The following GALNT5 variants were observed in gnomAD, a reference collection of about 807,000 sequenced individuals.
The protein encoded by GALNT5 is UDP-GalNAc:polypeptide N-acetylgalactosaminyltransferase 5.
Under a neutral mutation model 85.4 loss-of-function variants are expected in GALNT5, and 72 were observed. The ratio of observed to expected loss-of-function variants is 0.84; its 90% CI spans 0.70 to 1.03. The LOEUF is 1.03. Ranked by LOEUF, GALNT5 falls within the 50% of genes least tolerant of loss-of-function variation. The pLI is 0.00. For missense variants in GALNT5, 1,137 were observed against 1,135.5 expected (o/e 1.00, Z -0.02); for synonymous variants, 404 against 397.0 (o/e 1.02, Z -0.21).
chr2:157,259,375 T>A lies in GALNT5; in HGVS notation c.1293T>A (p.Ser431=). The A allele has an allele frequency of 6.6e-7, 1 of 1,506,136 alleles. No individual in the cohort carries two copies. The highest frequency in any genetic ancestry group is 8.9e-7 in the Non-Finnish European group (1 of 1,124,166). The allele number at this position is 1,506,136 out of a possible 1,614,324, so 93.3% of individuals were successfully genotyped here. The change falls in exon 1 of 10, where the codon TCT becomes TCA. Residue 431 remains serine, a synonymous_variant. Coordinates refer to ENST00000259056, the MANE Select transcript of GALNT5 (RefSeq NM_014568.3). ...TGTTAAGAATTGATGTGACACTTTC[T>A]CCAAGGGACCCCAAAGCTCCAGGGC... ...HQVLRIDVTL[S]PRDPKAPGQF...
chr2:157,281,179 C>T (rs1682846863), intron 1 of GALNT5, among the ~76,000 whole-genome samples: 1 of 152,192 alleles, frequency 6.6e-6, no homozygotes, highest in South Asian at 2.1e-4. Context: ...TTCTCCCTGC[C>T]TCAGCCTCCC....
At position 157,259,276 on chromosome 2, in the gene GALNT5, C is replaced by T; in HGVS notation, c.1194C>T (p.Ala398=). 6.2e-7 allele frequency: 1 copy of T among 1,611,208 alleles called. No homozygotes were observed. Among genetic ancestry groups the T allele is most frequent in the Non-Finnish European group, 8.5e-7 (1 of 1,178,806 alleles). ...AGCCAGCAAAAATCAACATAACTGC[C>T]AAAGCCCCCTCTACAGAATACAACC... ...GLEPAKINIT[A]KAPSTEYNQS... The change falls in exon 1 of 10, where the codon GCC becomes GCT. Residue 398 remains alanine (A), a synonymous_variant. Coordinates refer to ENST00000259056, the MANE Select transcript of GALNT5 (RefSeq NM_014568.3).
intron 9 of GALNT5, among the ~76,000 whole-genome samples, chr2:157,308,949 A>G (rs1196594630): frequency 6.6e-6 from 1 of 152,160 alleles, no homozygotes; most frequent in Admixed American, 6.5e-5. Context: ...GTTATTTTAA[A>G]TAGAAATCAC....
At chr2:157,298,442 C>A (rs1246841123) in intron 5 of GALNT5, among the ~76,000 whole-genome samples, 1 of 152,216 alleles carries the variant, frequency 6.6e-6, no homozygotes, top group Non-Finnish European at 1.5e-5. Context: ...ACTGGCCAAG[C>A]AGGGACCTTC....
chr2:157,296,400 G>T lies in GALNT5; in HGVS notation c.1884G>T (p.Met628Ile). The change falls in exon 5 of 10, where the codon ATG (methionine) becomes ATT (isoleucine). Residue 628 changes from methionine to isoleucine, a missense_variant. Physicochemically the swap from Met to Ile is conservative, Grantham distance 10. Coordinates refer to ENST00000259056, the MANE Select transcript of GALNT5 (RefSeq NM_014568.3). ...EVINDKDMSY[M>I]TVDNFQRGIF... is the part of the protein sequence containing the mutation. ...TTTTCATTTCCTGGATTAGTTACAT[G>T]ACAGTGGATAACTTTCAAAGAGGCA... 1 of 1,608,880 alleles carries T rather than the reference G, an allele frequency of 6.2e-7. No homozygotes were observed. Among genetic ancestry groups the T allele is most frequent in the South Asian group, 1.1e-5 (1 of 90,926 alleles).
Position 157,316,241 on chromosome 2 carries a change from G to A in GALNT5, c.*4893G>A, listed in dbSNP as rs1683701409. ...ACAGCTGCTAGCTTTACATATGGGA[G>A]CCTCTAGCTTGCATATCTATACTTG... On this transcript the variant is annotated 3_prime_UTR_variant, in exon 10 of 10. Transcript: ENST00000259056. 6.6e-6 allele frequency among the ~76,000 whole-genome samples: 1 copy of A among 151,986 alleles called. No homozygotes were observed. Among genetic ancestry groups the A allele is most frequent in the Middle Eastern group, 3.4e-3 (1 of 294 alleles).
At chr2:157,269,319 T>C (rs1682531175) in intron 1 of GALNT5, among the ~76,000 whole-genome samples, 1 of 152,192 alleles carries the variant, frequency 6.6e-6, no homozygotes, top group African/African-American at 2.4e-5. Context: ...TCAGAGTGCC[T>C]TGACATGTCA....
chr2:157,310,688 T>C (rs1683550075), intron 9 of GALNT5, among the ~76,000 whole-genome samples: 1 of 152,238 alleles, frequency 6.6e-6, no homozygotes, highest in South Asian at 2.1e-4. Context: ...CTTTCTTTAA[T>C]GCTGTTGACT....
chr2:157,299,381 G>T (rs1449323566), intron 5 of GALNT5, among the ~76,000 whole-genome samples, 167 bp from the exon 6 acceptor site: 1 of 152,064 alleles, frequency 6.6e-6, no homozygotes, highest in African/African-American at 2.4e-5. Context: ...CATGATCCAG[G>T]GATCGCATCA....
At chr2:157,276,315 G>C (rs986800283) in intron 1 of GALNT5, among the ~76,000 whole-genome samples, 4 of 152,136 alleles carry the variant, frequency 2.6e-5, no homozygotes, top group Non-Finnish European at 5.9e-5. Context: ...CCAGGTTTTG[G>C]TATCAGGATG....
rs1011794045 is a variant in GALNT5 at position 157,313,501 on chromosome 2, C to G, written c.*2153C>G. On this transcript the variant is annotated 3_prime_UTR_variant, in exon 10 of 10. Coordinates refer to ENST00000259056, the MANE Select transcript of GALNT5 (RefSeq NM_014568.3). ...ATGGGGCAAGGGGGATGGGGGGACG[C>G]AAGTCAGTTGTCAAAAGACTAATTG... 10 of 152,176 alleles carry G rather than the reference C, an allele frequency of 6.6e-5. No individual in the cohort carries two copies. The highest frequency in any genetic ancestry group is 2.4e-4 in the African/African-American group (10 of 41,450). 9.4% of individuals were successfully genotyped at this position (152,176 alleles called of 1,614,324 possible).
At chr2:157,288,926 A>AG (rs1683033965) in intron 3 of GALNT5, among the ~76,000 whole-genome samples, 2 of 152,116 alleles carry the variant, frequency 1.3e-5, no homozygotes, top group Non-Finnish European at 2.9e-5. Flanking sequence ...ATGTGAAGAG[A>AG]ATAAGAATGA....
chr2:157,313,478 G>A lies in GALNT5; in HGVS notation c.*2130G>A, dbSNP rs1021913882. 1.3e-5 allele frequency: 2 copies of A among 152,174 alleles called. No homozygotes were observed. The highest frequency in any genetic ancestry group is 4.8e-5 in the African/African-American group (2 of 41,444). The allele number at this position is 152,174 out of a possible 1,614,324, so 9.4% of individuals were successfully genotyped here. On this transcript the variant is annotated 3_prime_UTR_variant, in exon 10 of 10. Transcript: ENST00000259056. ...AATTCTTTTCAAAACAGAGCCATATGGGGCAAGGGGGATGGGGGGACGCAA... is the reference window on the plus strand; with the variant it reads ...AATTCTTTTCAAAACAGAGCCATATAGGGCAAGGGGGATGGGGGGACGCAA...
chr2:157,282,611 A>G (rs1682879759), intron 1 of GALNT5, among the ~76,000 whole-genome samples: 1 of 152,204 alleles, frequency 6.6e-6, no homozygotes, highest in African/African-American at 2.4e-5. Context: ...TCTTATAGGT[A>G]CATGTTTAAT....
chr2:157,316,381 AT>A lies in GALNT5; in HGVS notation c.*5038del, dbSNP rs1683705169. 1.3e-5 allele frequency among the ~76,000 whole-genome samples: 2 copies of A among 152,044 alleles called. No homozygotes were observed. Among genetic ancestry groups the A allele is most frequent in the African/African-American group, 2.4e-5 (1 of 41,392 alleles). ...TACCCTTTCTAATGGCCTAAAATAAATTTTTAATGACTCCTGTATTAATATT... is the reference window on the plus strand; with the variant it reads ...TACCCTTTCTAATGGCCTAAAATAAATTTTAATGACTCCTGTATTAATATT... On this transcript the variant is annotated 3_prime_UTR_variant, in exon 10 of 10. Transcript: ENST00000259056.
intron 2 of GALNT5, among the ~76,000 whole-genome samples, chr2:157,285,550 A>G (rs1042282174): frequency 6.6e-6 from 1 of 152,196 alleles, no homozygotes; most frequent in Non-Finnish European, 1.5e-5. Context: ...TGGCCATCTA[A>G]TAAGAGAGAA....
In GALNT5 at chr2:157,258,797, G is replaced by A; in HGVS notation, c.715G>A (p.Ala239Thr). Residue 239 changes from alanine (A) to threonine (T), a missense_variant, in exon 1 of 10, where the codon GCA (alanine) becomes ACA (threonine). Ala to Thr is a moderately conservative substitution (Grantham distance 58). Transcript: ENST00000259056. The stretch of plus-strand genomic sequence containing the variant: ...ATCACAGGCAGTAGCAAACGAGAGG[G>A]CACACCCTGCCAGCACAGCAGTGCC... Reference protein sequence around the residue: ...QRSQAVANERAHPASTAVPKS... With the variant: ...QRSQAVANERTHPASTAVPKS... 1 of 1,603,830 alleles carries A rather than the reference G, an allele frequency of 6.2e-7. No individual in the cohort carries two copies. Among genetic ancestry groups the A allele is most frequent in the Non-Finnish European group, 8.5e-7 (1 of 1,172,252 alleles).
intron 1 of GALNT5, among the ~76,000 whole-genome samples, chr2:157,271,854 TCA>T (rs1400724891): frequency 6.6e-6 from 1 of 152,174 alleles, no homozygotes; most frequent in African/African-American, 2.4e-5. Context: ...GAAGATATTA[TCA>T]CACTTAAAAC....
intron 3 of GALNT5, among the ~76,000 whole-genome samples, chr2:157,290,112 T>TATATATATATATATACAC (rs1416458086): frequency 2.2e-5 from 3 of 138,258 alleles, no homozygotes; most frequent in African/African-American, 9.2e-5. Context: ...TATATATATA[T>TATATATATATATATACAC]ACATACACAA....
Sources: allele counts gnomAD v4.1 joint callset (sites outside exome capture counted in the v4.1 genomes callset), GRCh38; gene constraint gnomAD v4.1.1; transcripts MANE v1.5; gene names NCBI Gene and HGNC (gene_info 2026-07-23, HGNC 2026-07-21).